Variants in CALCRL observed in about 807,000 individuals in gnomAD.
CALCRL encodes the protein calcitonin receptor like receptor, also known as calcitonin gene-related peptide type 1 receptor.
CALCRL carries 27 observed loss-of-function variants against 60.4 expected under a neutral mutation model. That is an observed-to-expected ratio of 0.45 (90% CI 0.33 to 0.62). The LOEUF (loss-of-function observed/expected upper bound fraction) is 0.62, where lower values mean the gene tolerates loss of function less well. Among genes scored for constraint, CALCRL ranks in the 20% least tolerant of loss-of-function variants. The pLI is 0.03. For missense variants in CALCRL, 424 were observed against 540.7 expected (o/e 0.78, Z 2.14); for synonymous variants, 190 against 182.6 (o/e 1.04, Z -0.33).
rs59385523 is a variant in CALCRL at position 187,427,917 on chromosome 2, A to T, written c.-293+20122T>A. 9.9e-3 allele frequency among the ~76,000 whole-genome samples: 1,513 copies of T among 152,268 alleles called. 24 individuals are homozygous for T. The highest frequency in any genetic ancestry group is 0.035 in the African/African-American group (1,442 of 41,554). On this transcript the variant is annotated intron_variant, in intron 1 of 14. Coordinates refer to ENST00000392370, the MANE Select transcript of CALCRL (RefSeq NM_005795.6). ...TACTATTTGATTTGAAGTTGTTTGC[A>T]TTGGTAGTATGTGAACCTCTCCCAT...
chr2:187,414,876 AT>A (rs35114345), intron 1 of CALCRL, among the ~76,000 whole-genome samples: 5 of 13,800 alleles, frequency 3.6e-4, no homozygotes, highest in African/African-American at 1.6e-3. Context: ...CCAGAAAATT[AT>A]TTTTTTTTTT....
At chr2:187,443,652 T>C (rs541458795) in intron 1 of CALCRL, among the ~76,000 whole-genome samples, 1 of 151,876 alleles carries the variant, frequency 6.6e-6, no homozygotes, top group African/African-American at 2.4e-5. Flanking sequence ...CATATGCACA[T>C]TGACTAATAA....
chr2:187,364,492 T>G lies in CALCRL; in HGVS notation c.501-990A>C, dbSNP rs72902423. Among the ~76,000 whole-genome samples the G allele has an allele frequency of 9.3e-3, 1,419 of 152,110 alleles. 14 individuals are homozygous for G. The highest frequency in any genetic ancestry group is 0.018 in the Admixed American group (272 of 15,280). ...TGTGTTTTTTTTTTAAATATGCTAT[T>G]AATATGGTCAACCTATATAATCCAC... On this transcript the variant is annotated intron_variant, in intron 8 of 14. Coordinates refer to ENST00000392370, the MANE Select transcript of CALCRL (RefSeq NM_005795.6).
intron 12 of CALCRL, among the ~76,000 whole-genome samples, chr2:187,358,652 A>T (rs34412288): frequency 6.6e-5 from 10 of 151,962 alleles, no homozygotes; most frequent in Non-Finnish European, 1.5e-4. Context: ...ACCAAAAGAT[A>T]AGAGTATGGG....
At chr2:187,398,250 T>C (rs1018632160) in intron 1 of CALCRL, among the ~76,000 whole-genome samples, 1 of 151,680 alleles carries the variant, frequency 6.6e-6, no homozygotes, top group African/African-American at 2.4e-5. Flanking sequence ...AATGAGAGCC[T>C]TATACTTATT....
chr2:187,414,011 T>G (rs998299879), intron 1 of CALCRL, among the ~76,000 whole-genome samples: 1 of 152,144 alleles, frequency 6.6e-6, no homozygotes, highest in Non-Finnish European at 1.5e-5. Flanking sequence ...ATATCCTATA[T>G]GTGACTATTA....
rs769875438 is a variant in CALCRL, at chr2:187,359,249, T to C, written c.805A>G (p.Ile269Val). 6 of 1,577,626 alleles carry C rather than the reference T, an allele frequency of 3.8e-6. No individual in the cohort carries two copies. Among genetic ancestry groups the C allele is most frequent in the East Asian group, 2.3e-5 (1 of 42,614 alleles). Residue 269 changes from isoleucine to valine, a missense_variant, in exon 11 of 15, where the codon ATA (isoleucine) becomes GTA (valine). Physicochemically the swap from Ile to Val is conservative, Grantham distance 29. This residue lies in a region of CALCRL where 222 missense variants were observed against 265.6 expected (regional missense o/e 0.84). Coordinates refer to ENST00000392370, the MANE Select transcript of CALCRL (RefSeq NM_005795.6). ...GWGFPLIPAC[I>V]HAIARSLYYN... ...TATAAGCTTCTAGCAATGGCATGTA[T>C]ACAAGCAGGAATCAGTGGAAATCCT...
intron 1 of CALCRL, among the ~76,000 whole-genome samples, chr2:187,443,218 A>G (rs1416660880): frequency 6.6e-6 from 1 of 151,804 alleles, no homozygotes; most frequent in Non-Finnish European, 1.5e-5. Context: ...TTACAGATAG[A>G]TTGCATTCTG....
At position 187,342,494 on chromosome 2, in the gene CALCRL, C is replaced by T. The variant is rs1210190180; in HGVS notation, c.*3690G>A. On this transcript the variant is annotated 3_prime_UTR_variant, in exon 15 of 15. Transcript: ENST00000392370. The stretch of plus-strand genomic sequence containing the variant: ...TTGAGGAGGTCTATATTGTAATTAA[C>T]ACTCTCATGTACCTATCTCAACAAT... Among the ~76,000 whole-genome samples, 1 of 151,598 alleles carries T rather than the reference C, an allele frequency of 6.6e-6. No individual in the cohort carries two copies. The highest frequency in any genetic ancestry group is 1.5e-5 in the Non-Finnish European group (1 of 67,666).
At chr2:187,403,553 CA>C (rs1407418814) in intron 1 of CALCRL, among the ~76,000 whole-genome samples, 3 of 151,856 alleles carry the variant, frequency 2.0e-5, no homozygotes, top group African/African-American at 7.2e-5. Context: ...TAACATATTT[CA>C]AAACATTCGT....
intron 8 of CALCRL, among the ~76,000 whole-genome samples, chr2:187,375,873 C>T (rs1281233602): frequency 1.3e-5 from 2 of 152,106 alleles, no homozygotes; most frequent in East Asian, 3.8e-4. Flanking sequence ...ATCAGTTGAA[C>T]AGTATTTGTT....
intron 3 of CALCRL, 147 bp from the exon 4 acceptor site, chr2:187,385,778 G>T (rs186762809): frequency 9.0e-4 from 515 of 574,060 alleles, no homozygotes; most frequent in African/African-American, 8.9e-3. Context: ...TTAAGACAAG[G>T]TCTCACTCTG....
intron 8 of CALCRL, among the ~76,000 whole-genome samples, chr2:187,378,136 GAGA>G (rs1428446415): frequency 7.3e-5 from 11 of 151,638 alleles, no homozygotes; most frequent in African/African-American, 2.7e-4. Context: ...GAAGGAGAAG[GAGA>G]AGAAGAAAGA....
At chr2:187,411,779 G>A (rs1303492886) in intron 1 of CALCRL, among the ~76,000 whole-genome samples, 4 of 151,684 alleles carry the variant, frequency 2.6e-5, no homozygotes, top group South Asian at 2.1e-4. Flanking sequence ...GGCGGATCAC[G>A]AGGTCAGGAG....
At position 187,397,112 on chromosome 2, in the gene CALCRL, A is replaced by G. The variant is rs1688690272; in HGVS notation, c.-292-9356T>C. Among the ~76,000 whole-genome samples, 10 of 151,802 alleles carry G rather than the reference A, an allele frequency of 6.6e-5. No homozygotes were observed. In the South Asian group the frequency reaches 2.1e-3, roughly 31 times the overall value. ...AATTAGATAATACAAACTTCTTAGA[A>G]TGCACTAAATATGACTTATTATACC... On this transcript the variant is annotated intron_variant, in intron 1 of 14. Transcript: ENST00000392370.
At chr2:187,434,563 T>C (rs534868297) in intron 1 of CALCRL, among the ~76,000 whole-genome samples, 3 of 152,274 alleles carry the variant, frequency 2.0e-5, no homozygotes, top group Non-Finnish European at 4.4e-5. Context: ...GGCATAAGCA[T>C]TTTGAACTGC....
rs778914833 is a variant in CALCRL at position 187,363,403 on chromosome 2, G to C, written c.600C>G (p.Asn200Lys). 1.9e-6 allele frequency: 3 copies of C among 1,611,720 alleles called. No individual in the cohort carries two copies. The highest frequency in any genetic ancestry group is 2.5e-6 in the Non-Finnish European group (3 of 1,178,840). ...GATTTGTGGCTACTAAGGCCTGGTT[G>C]TTGGCCACTGCAGTGAGGTGAATGA... is the stretch of plus-strand genomic sequence containing the variant. ...VTIIHLTAVANNQALVATNPV... is the reference protein window; with the variant it reads ...VTIIHLTAVAKNQALVATNPV... Residue 200 changes from asparagine to lysine, a missense_variant, in exon 9 of 15, where the codon AAC (asparagine) becomes AAG (lysine). Around this residue, in one of 7 missense-constraint regions of CALCRL, gnomAD observed 43 missense variants for 40.9 expected, o/e 1.05. Transcript: ENST00000392370.
At chr2:187,427,599 G>T (rs1690202918) in intron 1 of CALCRL, among the ~76,000 whole-genome samples, 1 of 152,050 alleles carries the variant, frequency 6.6e-6, no homozygotes, top group Non-Finnish European at 1.5e-5. Flanking sequence ...TATTACATTG[G>T]TATCATAATT....
chr2:187,405,948 T>C (rs900976339), intron 1 of CALCRL, among the ~76,000 whole-genome samples: 2 of 129,636 alleles, frequency 1.5e-5, no homozygotes, highest in African/African-American at 5.9e-5. Flanking sequence ...ACCTGTGTTG[T>C]CTGTATGTAG....
Sources: gnomAD v4.1 joint callset for allele counts (sites outside exome capture counted in the v4.1 genomes callset) on GRCh38, gnomAD v4.1.1 for gene constraint, gnomAD v4.1.1 regional missense constraint, MANE v1.5 for transcripts, NCBI Gene and HGNC (gene_info 2026-07-23, HGNC 2026-07-21) for gene names.